TDRD12: variants seen among roughly 807,000 people sequenced by gnomAD.
TDRD12 encodes putative ATP-dependent RNA helicase TDRD12.
In TDRD12, 158 loss-of-function variants were observed where a neutral mutation model predicts 133.5. That is an observed-to-expected ratio of 1.18 (90% CI 1.04 to 1.35). The LOEUF (loss-of-function observed/expected upper bound fraction) is 1.35, where lower values mean the gene tolerates loss of function less well. TDRD12 is among the 40% of genes most tolerant of loss of function. The pLI is 0.00. For missense variants in TDRD12, 1,443 were observed against 1,321.3 expected (o/e 1.09, Z -1.43); for synonymous variants, 460 against 477.9 (o/e 0.96, Z 0.49).
At chr19:32,741,012 T>C (rs1969408909) in intron 3 of TDRD12, among the ~76,000 whole-genome samples, 1 of 152,238 alleles carries the variant, frequency 6.6e-6, no homozygotes, top group Non-Finnish European at 1.5e-5. Context: ...TTAATAAATA[T>C]GAGGATTCTG....
exon 1 of TDRD12, chr19:32,719,801 G>A (rs548316611): frequency 7.2e-6 from 4 of 558,552 alleles, no homozygotes; most frequent in East Asian, 3.0e-5. Flanking sequence ...GTGGGTGCGG[G>A]AGGCCCGAGG....
chr19:32,770,989 T>TA (rs1313333059), intron 8 of TDRD12, among the ~76,000 whole-genome samples: 1 of 152,158 alleles, frequency 6.6e-6, no homozygotes, highest in East Asian at 1.9e-4. Flanking sequence ...CCTGAGACAA[T>TA]AATTTAGCAA....
exon 9 of TDRD12, chr19:32,826,543 T>C: frequency 8.0e-7 from 1 of 1,246,042 alleles, no homozygotes; most frequent in East Asian, 3.1e-5. Flanking sequence ...GATGAACCTG[T>C]AATCACTCTG....
exon 13 of TDRD12, chr19:32,790,975 G>A: frequency 6.5e-7 from 1 of 1,535,924 alleles, no homozygotes; most frequent in Non-Finnish European, 8.7e-7. Context: ...TGCAGAAGCT[G>A]AAGGGCCTGC....
chr19:32,748,644 A>G (rs1392770436), intron 5 of TDRD12, 113 bp downstream of exon 5: 28 of 1,047,996 alleles, frequency 2.7e-5, no homozygotes, highest in Non-Finnish European at 3.5e-5. Context: ...GGCCCTCCTC[A>G]GAGGAGTTCC....
chr19:32,800,085 C>A, intron 16 of TDRD12, 82 bp from the exon 17 acceptor site: 1 of 846,734 alleles, frequency 1.2e-6, no homozygotes, highest in South Asian at 2.0e-5. Flanking sequence ...AGAAAATATA[C>A]AAACCCTTAC....
exon 10 of TDRD12, chr19:32,828,064 G>A (rs1489983862): frequency 2.0e-5 from 3 of 152,154 alleles, no homozygotes; most frequent in Admixed American, 6.5e-5. Flanking sequence ...ATGAGATAGT[G>A]GGATTTAACA....
In TDRD12 at chr19:32,746,585, A is replaced by T. The variant is rs530481213; in HGVS notation, c.441-1891A>T. Among the ~76,000 whole-genome samples, 99 of 141,064 alleles carry T rather than the reference A, an allele frequency of 7.0e-4. 1 individual carries two copies. The highest frequency in any genetic ancestry group is 2.5e-3 in the African/African-American group (93 of 37,382). 92.5% of individuals were successfully genotyped at this position (141,064 alleles called of 152,430 possible). On this transcript the variant is annotated intron_variant, in intron 4 of 27. Coordinates refer to ENST00000444215, the Ensembl canonical transcript of TDRD12. The stretch of plus-strand genomic sequence containing the variant: ...GTTATTCTGTGTGTGTGAGAGAGAG[A>T]GAGTCTGGCTGATGTGGTTATTCTG...
At chr19:32,736,656 T>A (rs1470613929) in intron 2 of TDRD12, among the ~76,000 whole-genome samples, 1 of 152,270 alleles carries the variant, frequency 6.6e-6, no homozygotes, top group African/African-American at 2.4e-5. Flanking sequence ...TGCCTTGCAG[T>A]ATGGCTGTAC....
intron 18 of TDRD12, among the ~76,000 whole-genome samples, 195 bp downstream of exon 18, chr19:32,800,967 G>A (rs984336677): frequency 1.3e-4 from 19 of 151,326 alleles, no homozygotes; most frequent in African/African-American, 4.2e-4. Flanking sequence ...GGAGCCAGGT[G>A]CGGGGGCAGG....
In TDRD12 at chr19:32,757,138, C is replaced by T. The variant is rs371201701; in HGVS notation, c.865+8C>T. 49 of 1,547,682 alleles carry T rather than the reference C, an allele frequency of 3.2e-5. No individual in the cohort carries two copies. Among genetic ancestry groups the T allele is most frequent in the Non-Finnish European group, 4.3e-5 (49 of 1,143,374 alleles). ...CAACAGCCACAGCACAGGGTGAGTTCTGCTAATGTGGTTTATTTCATAGGC... is the reference window on the plus strand; with the variant it reads ...CAACAGCCACAGCACAGGGTGAGTTTTGCTAATGTGGTTTATTTCATAGGC... On this transcript the variant is annotated splice_region_variant and intron_variant, in intron 8 of 27. Coordinates refer to ENST00000444215, the Ensembl canonical transcript of TDRD12.
At chr19:32,775,215 G>T (rs1415649355) in intron 10 of TDRD12, among the ~76,000 whole-genome samples, 1 of 151,988 alleles carries the variant, frequency 6.6e-6, no homozygotes, top group Admixed American at 6.6e-5. Flanking sequence ...CATTTTTTCA[G>T]CCTTTCAATC....
intron 6 of TDRD12, among the ~76,000 whole-genome samples, chr19:32,755,742 T>G (rs1969973026): frequency 6.6e-6 from 1 of 152,262 alleles, no homozygotes; most frequent in African/African-American, 2.4e-5. Flanking sequence ...CAGGTAGTTT[T>G]AGTGCTACAG....
At chr19:32,824,311 C>T (rs1372998845), downstream of TDRD12, 1 of 152,670 alleles carries the variant, frequency 6.6e-6, no homozygotes, top group East Asian at 1.9e-4. Flanking sequence ...CAGCATTCCT[C>T]CGCAGGATCT....
rs1568480371 is a variant in TDRD12, at chr19:32,791,029, A to AACCATTGACTCGTC, written c.1249_1262dup (p.Ser424ThrfsTer9). ...TCCGGAACAAGATCAAGCCCTGCTT[A>AACCATTGACTCGTC]ACCATTGACTCGTCGCCGCTGTCAG... On this transcript the variant is annotated frameshift_variant, in exon 13 of 28. Transcript: ENST00000444215. LOFTEE classifies it high-confidence loss of function. 6.5e-7 allele frequency: 1 copy of AACCATTGACTCGTC among 1,536,310 alleles called. No homozygotes were observed. Among genetic ancestry groups the AACCATTGACTCGTC allele is most frequent in the Non-Finnish European group, 8.7e-7 (1 of 1,146,934 alleles).
chr19:32,816,358 G>A (rs1008832187), intron 26 of TDRD12, among the ~76,000 whole-genome samples: 8 of 152,086 alleles, frequency 5.3e-5, no homozygotes, highest in African/African-American at 1.2e-4. Flanking sequence ...TCCTGATGTC[G>A]AAAAGCAGGG....
downstream of TDRD12, among the ~76,000 whole-genome samples, chr19:32,823,780 G>T (rs950815714): frequency 6.6e-6 from 1 of 152,230 alleles, no homozygotes; most frequent in African/African-American, 2.4e-5. Flanking sequence ...TTGTCATTAA[G>T]AGGATTTTCC....
chr19:32,754,115 T>C (rs7246228), intron 6 of TDRD12, among the ~76,000 whole-genome samples: 87,171 of 151,996 alleles, frequency 0.57, 25,617 homozygotes, highest in East Asian at 0.82. Context: ...TAAATGTTCC[T>C]CACATCCTGG....
intron 8 of TDRD12, among the ~76,000 whole-genome samples, chr19:32,762,840 A>G (rs1226461285): frequency 6.6e-6 from 1 of 152,196 alleles, no homozygotes; most frequent in African/African-American, 2.4e-5. Context: ...TTTGGTGTGC[A>G]AACATCATAG....
Sources: allele counts gnomAD v4.1 joint callset (sites outside exome capture counted in the v4.1 genomes callset), GRCh38; gene constraint gnomAD v4.1.1; transcripts MANE v1.5; gene names NCBI Gene and HGNC (gene_info 2026-07-23, HGNC 2026-07-21).